The following PLCB1 variants were observed in gnomAD, a reference collection of about 807,000 sequenced individuals.
The protein encoded by PLCB1 is phospholipase C beta 1.
Under a neutral mutation model 161.8 loss-of-function variants are expected in PLCB1, and 46 were observed. The observed-to-expected ratio is 0.28, with a 90% CI of 0.22 to 0.36. The LOEUF (loss-of-function observed/expected upper bound fraction) is 0.36, where lower values mean the gene tolerates loss of function less well. Ranked by LOEUF, PLCB1 falls within the 10% of genes least tolerant of loss-of-function variation. The probability of loss-of-function intolerance (pLI) is 1.00; values close to 1 mark genes in which losing one functional copy is unlikely to be tolerated. For missense variants in PLCB1, 1,016 were observed against 1,472.5 expected (o/e 0.69, Z 5.07); for synonymous variants, 517 against 503.7 (o/e 1.03, Z -0.35).
At chr20:8,407,580 G>A (rs1326960667) in intron 3 of PLCB1, among the ~76,000 whole-genome samples, 1 of 152,108 alleles carries the variant, frequency 6.6e-6, no homozygotes, top group East Asian at 1.9e-4. Flanking sequence ...AGACTTATTC[G>A]CTATCACGAG....
chr20:8,660,462 AC>A (rs1290876743), intron 9 of PLCB1, among the ~76,000 whole-genome samples: 3 of 152,158 alleles, frequency 2.0e-5, no homozygotes, highest in African/African-American at 4.8e-5. Flanking sequence ...CTTTTCTGAA[AC>A]CAGTGAAGCA....
chr20:8,560,901 G>A (rs1031487662), intron 3 of PLCB1, among the ~76,000 whole-genome samples: 3 of 151,952 alleles, frequency 2.0e-5, no homozygotes, highest in Non-Finnish European at 4.4e-5. Context: ...GGCATTGTCG[G>A]ATTTTCTCCA....
intron 2 of PLCB1, among the ~76,000 whole-genome samples, chr20:8,212,645 T>C (rs1453281055): frequency 2.6e-5 from 4 of 152,094 alleles, no homozygotes; most frequent in Non-Finnish European, 5.9e-5. Flanking sequence ...ACGCAAAAGA[T>C]GAAACATCTC....
chr20:8,278,045 A>G (rs1052056003), intron 2 of PLCB1, among the ~76,000 whole-genome samples: 1 of 152,018 alleles, frequency 6.6e-6, no homozygotes, highest in Non-Finnish European at 1.5e-5. Context: ...TCATTGCAGA[A>G]TTATTTGTAA....
chr20:8,250,605 A>G lies in PLCB1; in HGVS notation c.177+100234A>G, dbSNP rs1194133039. Among the ~76,000 whole-genome samples, 3 of 151,918 alleles carry G rather than the reference A, an allele frequency of 2.0e-5. No individual in the cohort carries two copies. The East Asian group carries it at 5.8e-4, about 29-fold the overall frequency. ...GTAGGAAAAACAATCAATAAAGCAT[A>G]CCTACAAAAGTTCCATTTTAAACTT... On this transcript the variant is annotated intron_variant, in intron 2 of 31. Coordinates refer to ENST00000338037, the MANE Select transcript of PLCB1 (RefSeq NM_015192.4).
chr20:8,370,707 C>G (rs922184564), intron 2 of PLCB1, among the ~76,000 whole-genome samples: 2 of 152,156 alleles, frequency 1.3e-5, no homozygotes, highest in African/African-American at 4.8e-5. Context: ...GCCCCCCAAC[C>G]ATAGTAGTCA....
intron 27 of PLCB1, among the ~76,000 whole-genome samples, chr20:8,778,279 G>A (rs924392779): frequency 2.6e-5 from 4 of 152,108 alleles, no homozygotes; most frequent in Non-Finnish European, 4.4e-5. Context: ...AGACCTCTTG[G>A]GGAGATTTGA....
chr20:8,229,184 T>C (rs1979871683), intron 2 of PLCB1, among the ~76,000 whole-genome samples: 1 of 152,124 alleles, frequency 6.6e-6, no homozygotes, highest in Non-Finnish European at 1.5e-5. Flanking sequence ...CCTGAATACA[T>C]TGCTGTCCAA....
At chr20:8,167,400 T>A (rs1425677410) in intron 2 of PLCB1, among the ~76,000 whole-genome samples, 1 of 152,216 alleles carries the variant, frequency 6.6e-6, no homozygotes. Context: ...TGAAAGTTTA[T>A]CATATGCCAT....
At chr20:8,508,788 T>TTA (rs141615014) in intron 3 of PLCB1, among the ~76,000 whole-genome samples, 246 of 150,792 alleles carry the variant, frequency 1.6e-3, no homozygotes, top group South Asian at 0.011. Flanking sequence ...ATGCTTTGAA[T>TTA]TATATATATA....
At chr20:8,166,307 G>A (rs2051674379) in intron 2 of PLCB1, among the ~76,000 whole-genome samples, 1 of 152,056 alleles carries the variant, frequency 6.6e-6, no homozygotes, top group Non-Finnish European at 1.5e-5. Flanking sequence ...TTTAAAACAT[G>A]CTGGCCATCT....
At chr20:8,583,215 T>A (rs1371624150) in intron 3 of PLCB1, among the ~76,000 whole-genome samples, 1 of 151,624 alleles carries the variant, frequency 6.6e-6, no homozygotes, top group Non-Finnish European at 1.5e-5. Flanking sequence ...GAATGAGGAG[T>A]TTTTGTTTAA....
At chr20:8,536,532 A>T (rs1390622713) in intron 3 of PLCB1, among the ~76,000 whole-genome samples, 1 of 152,174 alleles carries the variant, frequency 6.6e-6, no homozygotes, top group Admixed American at 6.5e-5. Flanking sequence ...CCTCTCAAAC[A>T]GTTGCAGCAA....
At position 8,276,200 on chromosome 20, in the gene PLCB1, G is replaced by A. The variant is rs548515142; in HGVS notation, c.178-95182G>A. The stretch of plus-strand genomic sequence containing the variant: ...TTCCTTTCCAAAATGTATTTCTGCA[G>A]GAATTCCCACTGATTTGAAAGATAA... On this transcript the variant is annotated intron_variant, in intron 2 of 31. Coordinates refer to ENST00000338037, the MANE Select transcript of PLCB1 (RefSeq NM_015192.4). 6.6e-5 allele frequency among the ~76,000 whole-genome samples: 10 copies of A among 152,260 alleles called. No individual in the cohort carries two copies. The East Asian group carries it at 7.7e-4, about 12-fold the overall frequency.
intron 3 of PLCB1, among the ~76,000 whole-genome samples, chr20:8,534,895 C>T (rs2122930462): frequency 6.6e-6 from 1 of 151,998 alleles, no homozygotes; most frequent in South Asian, 2.1e-4. Context: ...GAGCAGGAAG[C>T]CTACAGTTTC....
At chr20:8,424,764 TC>T (rs1979678645) in intron 3 of PLCB1, among the ~76,000 whole-genome samples, 1 of 152,164 alleles carries the variant, frequency 6.6e-6, no homozygotes, top group Admixed American at 6.6e-5. Flanking sequence ...TTGTCCAGGT[TC>T]TTGGCGTTTT....
At chr20:8,586,460 T>C (rs1453626073) in intron 3 of PLCB1, among the ~76,000 whole-genome samples, 1 of 152,132 alleles carries the variant, frequency 6.6e-6, no homozygotes, top group African/African-American at 2.4e-5. Flanking sequence ...CAAAACTGTT[T>C]AGTGATGGTA....
intron 27 of PLCB1, among the ~76,000 whole-genome samples, chr20:8,779,507 CAAAAAAAAAAAAAAAAA>C (rs373073139): frequency 4.9e-5 from 5 of 102,514 alleles, no homozygotes; most frequent in Admixed American, 4.5e-4. Flanking sequence ...CACTTTTGTG[CAAAAAAAAAAAAAAAAA>C]AAAAAAAAAA....
chr20:8,250,492 T>C (rs2123221816), intron 2 of PLCB1, among the ~76,000 whole-genome samples: 1 of 152,034 alleles, frequency 6.6e-6, no homozygotes, highest in South Asian at 2.1e-4. Context: ...GGGAGTTAGA[T>C]ACCCTTCATC....
Sources: allele counts gnomAD v4.1 joint callset (sites outside exome capture counted in the v4.1 genomes callset), GRCh38; gene constraint gnomAD v4.1.1; transcripts MANE v1.5; gene names NCBI Gene and HGNC (gene_info 2026-07-23, HGNC 2026-07-21).